FBXW7: variants seen among roughly 807,000 people sequenced by gnomAD.
FBXW7 encodes the protein F-box and WD repeat domain containing 7, also known as F-box/WD repeat-containing protein 7.
In FBXW7, 11 loss-of-function variants were observed where a neutral mutation model predicts 86.3. That is an observed-to-expected ratio of 0.13 (90% CI 0.08 to 0.21). FBXW7 has a LOEUF of 0.21. FBXW7 is among the 10% of genes least tolerant of loss of function. The pLI is 1.00. For missense variants in FBXW7, 488 were observed against 847.4 expected (o/e 0.58, Z 5.27); for synonymous variants, 313 against 297.9 (o/e 1.05, Z -0.52).
At chr4:152,513,371 T>G (rs987694827) in intron 2 of FBXW7, among the ~76,000 whole-genome samples, 2 of 152,222 alleles carry the variant, frequency 1.3e-5, no homozygotes, top group African/African-American at 4.8e-5. Context: ...TTTCTATTGT[T>G]AACCCTAATC....
chr4:152,329,821 T>A (rs770577602), intron 9 of FBXW7, 36 bp from the exon 10 acceptor site: 3 of 1,207,562 alleles, frequency 2.5e-6, no homozygotes, highest in Non-Finnish European at 3.4e-6. Context: ...AATATGTTAA[T>A]TAAATTATGT....
At chr4:152,341,528 A>G (rs1436062345) in intron 6 of FBXW7, among the ~76,000 whole-genome samples, 1 of 152,126 alleles carries the variant, frequency 6.6e-6, no homozygotes, top group African/African-American at 2.4e-5. Context: ...TGCATACCAC[A>G]CCCAAGTAGG....
At chr4:152,512,818 T>C (rs1435502628) in intron 2 of FBXW7, among the ~76,000 whole-genome samples, 15 of 152,186 alleles carry the variant, frequency 9.9e-5, no homozygotes. Context: ...ATAGTGATAA[T>C]TACTGCACAA....
In FBXW7 at chr4:152,323,212, T is replaced by C. The variant is rs564235025; in HGVS notation, c.1856-63A>G. ...AATAATGGCTATGAGTTAGTTACAT[T>C]ATAATTTGTAGACTTCTACTTTAGA... On this transcript the variant is annotated intron_variant, in intron 13 of 13. Transcript: ENST00000281708. The C allele has an allele frequency of 1.5e-5, 23 of 1,526,258 alleles. No individual in the cohort carries two copies. In the Admixed American group the frequency reaches 3.0e-4, roughly 20 times the overall value. 94.5% of individuals were successfully genotyped at this position (1,526,258 alleles called of 1,614,324 possible).
At chr4:152,524,176 CTAT>C (rs772746495) in intron 2 of FBXW7, among the ~76,000 whole-genome samples, 15 of 152,172 alleles carry the variant, frequency 9.9e-5, no homozygotes, top group Non-Finnish European at 1.6e-4. Flanking sequence ...GAAACAGGTA[CTAT>C]TATTATCATC....
chr4:152,484,318 T>C (rs2149674779), intron 2 of FBXW7, among the ~76,000 whole-genome samples: 1 of 152,200 alleles, frequency 6.6e-6, no homozygotes, highest in South Asian at 2.1e-4. Flanking sequence ...AGATTCTTAT[T>C]AAAGAAAAAG....
intron 7 of FBXW7, among the ~76,000 whole-genome samples, chr4:152,337,140 G>A (rs1350885472): frequency 1.3e-5 from 2 of 151,790 alleles, no homozygotes; most frequent in African/African-American, 2.4e-5. Flanking sequence ...CATATAATCA[G>A]TCTATGATAG....
At chr4:152,522,413 T>C (rs1749108856) in intron 2 of FBXW7, among the ~76,000 whole-genome samples, 1 of 152,228 alleles carries the variant, frequency 6.6e-6, no homozygotes, top group South Asian at 2.1e-4. Context: ...TTAAAATGAA[T>C]GTTAAATGAA....
chr4:152,430,216 T>C (rs1378236963), intron 2 of FBXW7, among the ~76,000 whole-genome samples: 5 of 152,182 alleles, frequency 3.3e-5, no homozygotes, highest in Admixed American at 2.0e-4. Flanking sequence ...GCAGTCCTCA[T>C]TGTAATAAGA....
At chr4:152,454,507 T>C (rs76907657) in intron 2 of FBXW7, among the ~76,000 whole-genome samples, 7,416 of 152,124 alleles carry the variant, frequency 0.049, 303 homozygotes, top group African/African-American at 0.11. Flanking sequence ...TCTTCTAACT[T>C]CAGAGAAGTA....
At chr4:152,534,218 C>T (rs545485996) in intron 2 of FBXW7, among the ~76,000 whole-genome samples, 76 of 151,090 alleles carry the variant, frequency 5.0e-4, no homozygotes, top group African/African-American at 1.8e-3. Flanking sequence ...AAAAGCAAAG[C>T]CTCAAACCAA....
chr4:152,413,132 G>A (rs947115588), intron 2 of FBXW7, among the ~76,000 whole-genome samples: 11 of 152,076 alleles, frequency 7.2e-5, no homozygotes, highest in African/African-American at 2.7e-4. Flanking sequence ...CTTTTTCAGA[G>A]AAAACCTTTA....
At chr4:152,523,000 T>C (rs945795994) in intron 2 of FBXW7, among the ~76,000 whole-genome samples, 2 of 152,230 alleles carry the variant, frequency 1.3e-5, no homozygotes, top group African/African-American at 4.8e-5. Context: ...GAATCTTATC[T>C]AGCACTAAAA....
intron 2 of FBXW7, among the ~76,000 whole-genome samples, chr4:152,516,284 T>C (rs938886495): frequency 7.2e-5 from 11 of 152,208 alleles, no homozygotes; most frequent in African/African-American, 2.7e-4. Flanking sequence ...GAGCTGCAGG[T>C]GGAGTATTAT....
intron 2 of FBXW7, among the ~76,000 whole-genome samples, chr4:152,437,326 C>A (rs1740473109): frequency 6.6e-6 from 1 of 151,680 alleles, no homozygotes; most frequent in African/African-American, 2.4e-5. Context: ...AGTGAGCTGA[C>A]TGAGATCGTG....
intron 4 of FBXW7, among the ~76,000 whole-genome samples, chr4:152,406,937 T>C (rs1737472577): frequency 6.6e-6 from 1 of 152,058 alleles, no homozygotes; most frequent in Non-Finnish European, 1.5e-5. Flanking sequence ...GGATTTGGGG[T>C]AAGGCACAGG....
Position 152,323,147 on chromosome 4 carries a change from G to A in FBXW7, c.1858C>T (p.Pro620Ser), listed in dbSNP as rs1375643251. Residue 620 changes from proline to serine, a missense_variant and splice_region_variant, in exon 14 of 14, where the codon CCC becomes TCC. Pro to Ser is a moderately conservative substitution (Grantham distance 74). Around this residue, in one of 4 missense-constraint regions of FBXW7, gnomAD observed 142 missense variants for 406.6 expected, o/e 0.35. Transcript: ENST00000281708. The part of the protein sequence containing the change: ...TGQCLQTLQG[P>S]NKHQSAVTCL... ...GTCACAGCACTCTGATGCTTGTTGG[G>A]ACCTAGACAAAAACCAAAAGAATTT... is the stretch of plus-strand genomic sequence containing the variant. 3 of 1,610,806 alleles carry A rather than the reference G, an allele frequency of 1.9e-6. No homozygotes were observed. The highest frequency in any genetic ancestry group is 3.3e-5 in the Admixed American group (2 of 59,806).
chr4:152,453,034 A>C (rs1742055605), intron 2 of FBXW7, among the ~76,000 whole-genome samples: 1 of 152,114 alleles, frequency 6.6e-6, no homozygotes, highest in Middle Eastern at 3.2e-3. Flanking sequence ...AATACAAAAA[A>C]TTAGCCAGGC....
chr4:152,406,211 G>C (rs759424131), intron 4 of FBXW7, among the ~76,000 whole-genome samples: 1 of 152,256 alleles, frequency 6.6e-6, no homozygotes, highest in East Asian at 1.9e-4. Context: ...TCTGTATAAA[G>C]AACTAATCAA....
Sources: allele counts gnomAD v4.1 joint callset (sites outside exome capture counted in the v4.1 genomes callset), GRCh38; gene constraint gnomAD v4.1.1; regional missense constraint gnomAD v4.1.1; transcripts MANE v1.5; gene names NCBI Gene and HGNC (gene_info 2026-07-23, HGNC 2026-07-21).